The following MYRF variants were observed in gnomAD, a reference collection of about 807,000 sequenced individuals.
The protein encoded by MYRF is myelin gene regulatory factor.
In MYRF, 16 loss-of-function variants were observed where a neutral mutation model predicts 126.3. That is an observed-to-expected ratio of 0.13 (90% confidence interval 0.09 to 0.19). The LOEUF (loss-of-function observed/expected upper bound fraction) is 0.19, where lower values mean the gene tolerates loss of function less well. Among genes scored for constraint, MYRF ranks in the 10% least tolerant of loss-of-function variants. The pLI is 1.00. For missense variants in MYRF, 1,104 were observed against 1,547.0 expected (o/e 0.71, Z 4.80); for synonymous variants, 608 against 635.3 (o/e 0.96, Z 0.65).
Position 61,779,552 on chromosome 11 carries a change from C to A in MYRF, c.2229C>A (p.Pro743=). The A allele has an allele frequency of 6.6e-7, 1 of 1,505,088 alleles. No individual in the cohort carries two copies. Among genetic ancestry groups the A allele is most frequent in the South Asian group, 1.4e-5 (1 of 73,024 alleles). 93.2% of individuals were successfully genotyped at this position (1,505,088 alleles called of 1,614,324 possible). Residue 743 remains proline (P), a synonymous_variant, in exon 16 of 27, where the codon CCC becomes CCA. Transcript: ENST00000278836. ...RAGSVPHKKR[P]PKVASKSSSV... The stretch of plus-strand genomic sequence containing the variant: ...GCAGCGTCCCCCACAAGAAGAGGCC[C>A]CCCAAGGTGGCCAGCAAGGTAGGGG...
At chr11:61,753,020 C>A (rs1031826375) in intron 1 of MYRF, among the ~76,000 whole-genome samples, 6 of 152,076 alleles carry the variant, frequency 3.9e-5, no homozygotes, top group Non-Finnish European at 2.9e-5. Context: ...CTCGCAGCTT[C>A]CTTGGGACTG....
At chr11:61,766,397 T>G (rs1359436960) in intron 3 of MYRF, 176 bp downstream of exon 3, 1 of 638,246 alleles carries the variant, frequency 1.6e-6, no homozygotes, top group Non-Finnish European at 2.5e-6. Context: ...GGGGGACTCC[T>G]GGGCTTTGTT....
intron 3 of MYRF, chr11:61,767,405 C>T (rs1290511452): frequency 8.8e-6 from 4 of 456,520 alleles, no homozygotes; most frequent in Middle Eastern, 3.2e-4. Flanking sequence ...CTGCTACCGT[C>T]AGGATTTTAA....
intron 25 of MYRF, 72 bp downstream of exon 25, chr11:61,784,457 A>G: frequency 8.1e-7 from 1 of 1,228,134 alleles, no homozygotes; most frequent in Admixed American, 1.9e-5. Context: ...TGGGCCCCAA[A>G]ATGGGCAAGG....
Position 61,778,500 on chromosome 11 carries a change from G to T in MYRF, c.2013+11G>T, listed in dbSNP as rs771054886. 15 of 1,599,068 alleles carry T rather than the reference G, an allele frequency of 9.4e-6. No individual in the cohort carries two copies. Among genetic ancestry groups the T allele is most frequent in the Non-Finnish European group, 1.3e-5 (15 of 1,166,426 alleles). ...CTGGTGGTGAACAAGGTCTGTGGGT[G>T]GGGGAATGGGAGGGAGCCCAGAGGC... On this transcript the variant is annotated intron_variant, in intron 14 of 26. Coordinates refer to ENST00000278836, the MANE Select transcript of MYRF (RefSeq NM_001127392.3). This position sits in a 1 kb window ranked among gnomAD's most constrained non-coding sequence, Gnocchi z 4.6.
intron 1 of MYRF, among the ~76,000 whole-genome samples, chr11:61,760,983 A>C (rs544748881): frequency 4.6e-5 from 7 of 152,280 alleles, no homozygotes; most frequent in African/African-American, 1.7e-4. Flanking sequence ...ACTCAGAGCA[A>C]CTGGGGTTGT....
At chr11:61,772,490 C>T (rs1290423360) in intron 7 of MYRF, among the ~76,000 whole-genome samples, 1 of 152,246 alleles carries the variant, frequency 6.6e-6, no homozygotes, top group African/African-American at 2.4e-5. Context: ...TGGATATTGC[C>T]AGGCCTGGGC....
chr11:61,784,104 T>C, intron 24 of MYRF, 176 bp from the exon 25 acceptor site: 1 of 966,188 alleles, frequency 1.0e-6, no homozygotes. Context: ...CCTGGCCTCA[T>C]GGGCTGAGGA....
In MYRF at chr11:61,770,151, G is replaced by A. The variant is rs1396116922; in HGVS notation, c.461-95G>A. 1.0e-5 allele frequency: 13 copies of A among 1,288,688 alleles called. No homozygotes were observed. The South Asian group carries it at 1.3e-4, about 13-fold the overall frequency. 79.8% of individuals were successfully genotyped at this position (1,288,688 alleles called of 1,614,324 possible). A position where few individuals can be genotyped will look rare whatever the true frequency, so the allele number is the denominator to read the frequency against. On this transcript the variant is annotated intron_variant, in intron 4 of 26. Coordinates refer to ENST00000278836, the MANE Select transcript of MYRF (RefSeq NM_001127392.3). ...GCAGCCCCCGGGCTTGGCTCAGGAC[G>A]GGGTGGAAGCAGGAGACTCTGCCTT...
rs1464520610 is a variant in MYRF at position 61,783,427 on chromosome 11, A to T, written c.3017-71A>T. The T allele has an allele frequency of 1.6e-6, 2 of 1,236,420 alleles. No individual in the cohort carries two copies. The highest frequency in any genetic ancestry group is 3.5e-5 in the Admixed American group (2 of 57,206). The allele number at this position is 1,236,420 out of a possible 1,614,324, so 76.6% of individuals were successfully genotyped here. A position where few individuals can be genotyped will look rare whatever the true frequency, so the allele number is the denominator to read the frequency against. ...TACTAAGGTGTGAGTGACTGCTTCA[A>T]GTCTGGCAAGGAAAGACTTGCCAGC... On this transcript the variant is annotated intron_variant, in intron 22 of 26. Coordinates refer to ENST00000278836, the MANE Select transcript of MYRF (RefSeq NM_001127392.3). This position sits in a 1 kb window ranked among gnomAD's most constrained non-coding sequence, Gnocchi z 4.6.
intron 26 of MYRF, 51 bp downstream of exon 26, chr11:61,785,925 G>T (rs367702365): frequency 3.8e-6 from 6 of 1,587,006 alleles, no homozygotes; most frequent in African/African-American, 2.7e-5. Flanking sequence ...CCCTGTCTGC[G>T]ACGTGGGGCT....
intron 3 of MYRF, 178 bp downstream of exon 3, chr11:61,766,399 G>A: frequency 1.6e-6 from 1 of 626,940 alleles, no homozygotes; most frequent in Non-Finnish European, 2.6e-6. Context: ...GGGACTCCTG[G>A]GCTTTGTTCT....
intron 1 of MYRF, among the ~76,000 whole-genome samples, chr11:61,763,502 T>C (rs909029923): frequency 6.6e-6 from 1 of 152,188 alleles, no homozygotes; most frequent in Admixed American, 6.5e-5. Flanking sequence ...TGGTCAGCAT[T>C]CTGGGCTGGG....
Position 61,771,503 on chromosome 11 carries a change from C to G in MYRF, c.744C>G (p.Leu248=). The G allele has an allele frequency of 3.1e-6, 5 of 1,611,754 alleles. No individual in the cohort carries two copies. Among genetic ancestry groups the G allele is most frequent in the Non-Finnish European group, 4.2e-6 (5 of 1,178,418 alleles). Residue 248 remains leucine (L), a synonymous_variant, in exon 6 of 27, where the codon CTC becomes CTG. Coordinates refer to ENST00000278836, the MANE Select transcript of MYRF (RefSeq NM_001127392.3). The part of the protein sequence containing the change: ...HQLLQQHGAE[L]PTHPSKKRKH... The stretch of plus-strand genomic sequence containing the variant: ...GCGCACACTTCTGTTTCCCCAGGCT[C>G]CCTACACACCCCTCCAAGAAGAGGA...
chr11:61,781,084 G>A, intron 20 of MYRF, 39 bp downstream of exon 20: 1 of 1,610,924 alleles, frequency 6.2e-7, no homozygotes, highest in Non-Finnish European at 8.5e-7. Flanking sequence ...CAGGGAGGTT[G>A]CTATGTTCTG....
intron 1 of MYRF, among the ~76,000 whole-genome samples, chr11:61,759,800 C>G (rs934272326): frequency 2.6e-5 from 4 of 152,138 alleles, no homozygotes; most frequent in African/African-American, 9.7e-5. Context: ...GATAGAAAAA[C>G]GGCTCAAGAG....
chr11:61,783,419 C>A lies in MYRF; in HGVS notation c.3017-79C>A. The A allele has an allele frequency of 2.7e-6, 3 of 1,117,304 alleles. No individual in the cohort carries two copies. The highest frequency in any genetic ancestry group is 4.0e-6 in the Non-Finnish European group (3 of 744,314). 69.2% of individuals were successfully genotyped at this position (1,117,304 alleles called of 1,614,324 possible). ...CTTATTCATACTAAGGTGTGAGTGA[C>A]TGCTTCAAGTCTGGCAAGGAAAGAC... On this transcript the variant is annotated intron_variant, in intron 22 of 26. Coordinates refer to ENST00000278836, the MANE Select transcript of MYRF (RefSeq NM_001127392.3). The surrounding 1 kb of genome is among the most constrained non-coding windows in gnomAD (Gnocchi z 4.6).
At chr11:61,771,179 A>C (rs1256054133) in intron 5 of MYRF, among the ~76,000 whole-genome samples, 1 of 152,206 alleles carries the variant, frequency 6.6e-6, no homozygotes, top group African/African-American at 2.4e-5. Flanking sequence ...CACTGCAGGC[A>C]GGGACAAACT....
intron 16 of MYRF, 97 bp from the exon 17 acceptor site, chr11:61,779,745 C>T: frequency 7.9e-7 from 1 of 1,272,366 alleles, no homozygotes; most frequent in Non-Finnish European, 1.1e-6. Flanking sequence ...GGAAATGGGG[C>T]ACCCCCTTAA....
Sources: allele counts gnomAD v4.1 joint callset (sites outside exome capture counted in the v4.1 genomes callset), GRCh38; gene constraint gnomAD v4.1.1; non-coding constraint Gnocchi (gnomAD v3.1); transcripts MANE v1.5; gene names NCBI Gene and HGNC (gene_info 2026-07-23, HGNC 2026-07-21).